CLMP: variants seen among roughly 807,000 people sequenced by gnomAD.
CLMP encodes the protein CXADR-like membrane protein.
In CLMP, 27 loss-of-function variants were observed where a neutral mutation model predicts 45.2. That is an observed-to-expected ratio of 0.60 (90% CI 0.44 to 0.82). The LOEUF (loss-of-function observed/expected upper bound fraction) is 0.82, where lower values mean the gene tolerates loss of function less well. CLMP is among the 40% of genes least tolerant of loss of function. The pLI, the probability that CLMP is intolerant of heterozygous loss-of-function variation, is 0.00. For missense variants in CLMP, 403 were observed against 448.4 expected (o/e 0.90, Z 0.91); for synonymous variants, 167 against 171.4 (o/e 0.97, Z 0.20).
chr11:123,161,499 T>A (rs1861487081), intron 1 of CLMP, among the ~76,000 whole-genome samples: 1 of 151,684 alleles, frequency 6.6e-6, no homozygotes, highest in Admixed American at 6.6e-5. Flanking sequence ...AAACCCCATC[T>A]CTAAAAAAAG....
intron 1 of CLMP, among the ~76,000 whole-genome samples, chr11:123,177,689 T>C (rs1338424560): frequency 2.0e-5 from 3 of 151,896 alleles, no homozygotes; most frequent in Non-Finnish European, 2.9e-5. Flanking sequence ...GTGCCCAGCC[T>C]TGAGATGCCA....
At chr11:123,089,592 C>T (rs369115169) in intron 2 of CLMP, among the ~76,000 whole-genome samples, 8 of 151,390 alleles carry the variant, frequency 5.3e-5, no homozygotes, top group East Asian at 2.0e-4. Context: ...GGTGAAACCC[C>T]GTCTCTACTA....
intron 1 of CLMP, among the ~76,000 whole-genome samples, chr11:123,187,997 C>T (rs1247338603): frequency 2.6e-5 from 4 of 152,194 alleles, no homozygotes; most frequent in Admixed American, 6.5e-5. Flanking sequence ...TACACAGCAG[C>T]CAGCACATAA....
Position 123,172,182 on chromosome 11 carries a change from G to A in CLMP, c.28+22731C>T, listed in dbSNP as rs990707393. Reference sequence around the variant, plus strand: ...TTTATTTTTCTTGAGATGGAGTCTCGCTCTGTTGCCCAGGTGCCTCCTGGG... The same window carrying A: ...TTTATTTTTCTTGAGATGGAGTCTCACTCTGTTGCCCAGGTGCCTCCTGGG... On this transcript the variant is annotated intron_variant, in intron 1 of 6. Transcript: ENST00000448775. Among the ~76,000 whole-genome samples the A allele has an allele frequency of 2.6e-5, 4 of 151,738 alleles. No individual in the cohort carries two copies. In the South Asian group the frequency reaches 8.4e-4, roughly 32 times the overall value.
chr11:123,103,946 C>T (rs892156477), intron 1 of CLMP, among the ~76,000 whole-genome samples: 1 of 150,936 alleles, frequency 6.6e-6, no homozygotes, highest in African/African-American at 2.4e-5. Flanking sequence ...TGTTGTGCCT[C>T]AGCCTCCTGA....
intron 3 of CLMP, 22 bp from the exon 4 acceptor site, chr11:123,083,869 A>C (rs138051641): frequency 1.2e-6 from 2 of 1,610,796 alleles, no homozygotes; most frequent in East Asian, 4.5e-5. Flanking sequence ...AACAACAAGC[A>C]AAAGTGTAGT....
At chr11:123,184,156 G>A (rs1233864759) in intron 1 of CLMP, among the ~76,000 whole-genome samples, 4 of 152,118 alleles carry the variant, frequency 2.6e-5, no homozygotes, top group African/African-American at 9.7e-5. Context: ...GTGCAGTGGT[G>A]TGATCTCAGC....
chr11:123,096,954 T>A (rs1397671042), intron 2 of CLMP, among the ~76,000 whole-genome samples: 1 of 151,392 alleles, frequency 6.6e-6, no homozygotes, highest in Non-Finnish European at 1.5e-5. Context: ...ACTCAAGCGA[T>A]CCTCCTGCTT....
chr11:123,081,669 A>G (rs1257252311), intron 5 of CLMP, among the ~76,000 whole-genome samples: 2 of 152,074 alleles, frequency 1.3e-5, no homozygotes, highest in African/African-American at 4.8e-5. Context: ...CCAGGAGTTC[A>G]AGACCAGCCT....
At chr11:123,087,445 A>C (rs1865878419) in intron 2 of CLMP, among the ~76,000 whole-genome samples, 1 of 151,808 alleles carries the variant, frequency 6.6e-6, no homozygotes, top group African/African-American at 2.4e-5. Context: ...GGAGGCAGAG[A>C]TTGCAGTGAG....
chr11:123,151,852 C>G (rs554611582), intron 1 of CLMP, among the ~76,000 whole-genome samples: 10 of 152,278 alleles, frequency 6.6e-5, no homozygotes, highest in Non-Finnish European at 1.3e-4. Flanking sequence ...GTTGGTAGGG[C>G]TGGTTTCCTC....
At chr11:123,162,158 C>T (rs1861495809) in intron 1 of CLMP, among the ~76,000 whole-genome samples, 1 of 152,160 alleles carries the variant, frequency 6.6e-6, no homozygotes. Context: ...GGACACAGAG[C>T]TCATTTTAGA....
intron 4 of CLMP, 67 bp from the exon 5 acceptor site, chr11:123,083,274 A>G: frequency 7.0e-7 from 1 of 1,438,668 alleles, no homozygotes; most frequent in Non-Finnish European, 9.6e-7. Context: ...TGTTTACTTT[A>G]TTGTATCACT....
At chr11:123,087,522 GAAAT>G (rs1865879375) in intron 2 of CLMP, among the ~76,000 whole-genome samples, 1 of 150,306 alleles carries the variant, frequency 6.7e-6, no homozygotes. Flanking sequence ...AAAATAAAAT[GAAAT>G]AAATAAATAT....
chr11:123,096,113 A>C (rs1460884388), intron 2 of CLMP, among the ~76,000 whole-genome samples: 1 of 152,200 alleles, frequency 6.6e-6, no homozygotes, highest in African/African-American at 2.4e-5. Flanking sequence ...CTGTAATCCC[A>C]GCACTTTGGG....
chr11:123,194,933 A>T lies in CLMP; in HGVS notation c.8T>A (p.Leu3His). The T allele has an allele frequency of 6.2e-7, 1 of 1,612,896 alleles. No individual in the cohort carries two copies. The highest frequency in any genetic ancestry group is 1.1e-5 in the South Asian group (1 of 91,040). Residue 3 changes from leucine to histidine, a missense_variant, in exon 1 of 7, where the codon CTC becomes CAC. Transcript: ENST00000448775. MS[L>H]LLLLLLVSYY... Reference sequence around the variant, plus strand: ...CTCACCTAGCAAGAGGAGAAGGAGGAGGGACATCCCGATCCCCGGACGCGG... The same window carrying T: ...CTCACCTAGCAAGAGGAGAAGGAGGTGGGACATCCCGATCCCCGGACGCGG...
Position 123,073,563 on chromosome 11 carries a change from G to C in CLMP, c.1033C>G (p.Pro345Ala), listed in dbSNP as rs1056684540. 1 of 1,614,222 alleles carries C rather than the reference G, an allele frequency of 6.2e-7. No homozygotes were observed. Among genetic ancestry groups the C allele is most frequent in the Non-Finnish European group, 8.5e-7 (1 of 1,180,040 alleles). ...AGATTAGCATGGTGGACTTTCTTTG[G>C]TTCAGAACCTCTCACCTCTGGCCCC... ...LVGPEVRGSE[P>A]KKVHHANLTK... The change falls in exon 7 of 7, where the codon CCA becomes GCA. Residue 345 changes from proline to alanine, a missense_variant. Pro to Ala is a conservative substitution (Grantham distance 27, BLOSUM62 -1). Coordinates refer to ENST00000448775, the MANE Select transcript of CLMP (RefSeq NM_024769.5).
intron 1 of CLMP, 93 bp downstream of exon 1, chr11:123,194,820 C>T: frequency 6.6e-7 from 1 of 1,509,280 alleles, no homozygotes. Flanking sequence ...CCAGGGGCTG[C>T]AGGGACACCC....
intron 1 of CLMP, among the ~76,000 whole-genome samples, chr11:123,112,269 C>A (rs1860649366): frequency 6.6e-6 from 1 of 152,184 alleles, no homozygotes; most frequent in Non-Finnish European, 1.5e-5. Context: ...CAAGCTTGGG[C>A]AGGCCCACAG....
Sources: gnomAD v4.1 joint callset for allele counts (sites outside exome capture counted in the v4.1 genomes callset) on GRCh38, gnomAD v4.1.1 for gene constraint, MANE v1.5 for transcripts, NCBI Gene and HGNC (gene_info 2026-07-23, HGNC 2026-07-21) for gene names.